The following ZNF700 variants were observed in gnomAD, a reference collection of about 807,000 sequenced individuals.
ZNF700 encodes zinc finger protein 700.
ZNF700 carries 38 observed loss-of-function variants against 65.3 expected under a neutral mutation model. The observed-to-expected ratio is 0.58, with a 90% CI of 0.45 to 0.76. ZNF700 has a LOEUF of 0.76. Among genes scored for constraint, ZNF700 ranks in the 30% least tolerant of loss-of-function variants. ZNF700 has a pLI of 0.00. For missense variants in ZNF700, 857 were observed against 888.4 expected, an observed-to-expected ratio of 0.96 and a Z score of 0.45; for synonymous variants, 285 against 290.4, an observed-to-expected ratio of 0.98 and a Z score of 0.19.
At chr19:11,940,135 T>A (rs1236626895) in intron 1 of ZNF700, 1 of 152,184 alleles carries the variant, frequency 6.6e-6, no homozygotes, top group Non-Finnish European at 1.5e-5. Flanking sequence ...TTCTCCATGT[T>A]GGTCAGACTG....
chr19:11,933,848 A>G (rs778544215), intron 1 of ZNF700, among the ~76,000 whole-genome samples: 11,455 of 139,722 alleles, frequency 0.082, 1,776 homozygotes, highest in African/African-American at 0.22. Flanking sequence ...CCATCTCAGA[A>G]AAAAAAAAAA....
Position 11,950,202 on chromosome 19 carries a change from T to C in ZNF700, c.2178T>C (p.His726=). The change falls in exon 4 of 4, where the codon CAT becomes CAC. Residue 726 remains histidine, a synonymous_variant. Transcript: ENST00000254321. ...CCTTGCATATACACGCAAGGACTCA[T>C]ATGGGAGAGAAGCCATATGAATGTA... ...FSSLHIHART[H]MGEKPYECKD... The C allele has an allele frequency of 1.9e-6, 3 of 1,613,192 alleles. No individual in the cohort carries two copies. The highest frequency in any genetic ancestry group is 8.5e-7 in the Non-Finnish European group (1 of 1,179,738).
At chr19:11,937,857 G>T (rs1972821497) in intron 1 of ZNF700, among the ~76,000 whole-genome samples, 1 of 152,042 alleles carries the variant, frequency 6.6e-6, no homozygotes, top group African/African-American at 2.4e-5. Flanking sequence ...AGTTCATTGA[G>T]TGTTTTTAAT....
At chr19:11,932,764 A>G (rs1972733967) in intron 1 of ZNF700, among the ~76,000 whole-genome samples, 1 of 146,296 alleles carries the variant, frequency 6.8e-6, no homozygotes, top group Non-Finnish European at 1.5e-5. Flanking sequence ...CAGCCTCCCA[A>G]GTAGCTGGGA....
Position 11,949,219 on chromosome 19 carries a change from T to G in ZNF700, c.1195T>G (p.Phe399Val). 1.2e-6 allele frequency: 2 copies of G among 1,613,818 alleles called. No homozygotes were observed. The highest frequency in any genetic ancestry group is 1.7e-6 in the Non-Finnish European group (2 of 1,179,918). The change falls in exon 4 of 4, where the codon TTC (phenylalanine) becomes GTC (valine). Residue 399 changes from phenylalanine to valine, a missense_variant. This residue lies in a region of ZNF700 where 603 missense variants were observed against 619.9 expected (regional missense o/e 0.97). Coordinates refer to ENST00000254321, the MANE Select transcript of ZNF700 (RefSeq NM_144566.3). ...RYKCKQCGKA[F>V]NLSSSFRYHE... ...TAAATGCAAGCAATGTGGTAAAGCC[T>G]TCAATCTTTCCAGTTCCTTTCGATA...
chr19:11,937,154 A>C (rs1053651279), intron 1 of ZNF700, among the ~76,000 whole-genome samples: 5 of 152,196 alleles, frequency 3.3e-5, no homozygotes, highest in African/African-American at 1.2e-4. Context: ...CTTATTGCCA[A>C]ATCCAAGGTT....
At position 11,948,635 on chromosome 19, in the gene ZNF700, T is replaced by G. The variant is rs746533699; in HGVS notation, c.611T>G (p.Ile204Ser). The G allele has an allele frequency of 5.0e-6, 8 of 1,610,852 alleles. No homozygotes were observed. The South Asian group carries it at 8.9e-5, about 18-fold the overall frequency. ...TGTAAAGTCTGTGGAAAAACCTTTATTTTCCATTCAAGCATTCGAAGACAC... is the reference window on the plus strand; with the variant it reads ...TGTAAAGTCTGTGGAAAAACCTTTAGTTTCCATTCAAGCATTCGAAGACAC... ...YACKVCGKTFIFHSSIRRHMV... is the reference protein window; with the variant it reads ...YACKVCGKTFSFHSSIRRHMV... The change falls in exon 4 of 4, where the codon ATT (isoleucine) becomes AGT (serine). Residue 204 changes from isoleucine (I) to serine (S), a missense_variant. Physicochemically the swap from Ile to Ser is moderately radical, Grantham distance 142. This residue lies in a region of ZNF700 where 603 missense variants were observed against 619.9 expected (regional missense o/e 0.97). Transcript: ENST00000254321.
At chr19:11,927,506 G>A (rs1376056376) in intron 1 of ZNF700, among the ~76,000 whole-genome samples, 1 of 151,950 alleles carries the variant, frequency 6.6e-6, no homozygotes, top group Non-Finnish European at 1.5e-5. Flanking sequence ...TTTCAGAGTA[G>A]GGCATCCTCA....
intron 1 of ZNF700, among the ~76,000 whole-genome samples, chr19:11,939,374 C>A (rs1414906272): frequency 2.6e-5 from 4 of 152,148 alleles, no homozygotes; most frequent in East Asian, 3.9e-4. Context: ...ACATTTAAGT[C>A]TTTAATCCAT....
intron 1 of ZNF700, among the ~76,000 whole-genome samples, chr19:11,943,650 T>A (rs1972918307): frequency 6.6e-6 from 1 of 152,318 alleles, no homozygotes; most frequent in East Asian, 1.9e-4. Context: ...AGTGGTGTTA[T>A]ACAGGCAAGT....
rs757126800 is a variant in ZNF700, at chr19:11,948,596, A to G, written c.572A>G (p.Glu191Gly). The stretch of plus-strand genomic sequence containing the variant: ...ACACAAGAAAGGGATCACACTGGAG[A>G]GAAACCCTATGCTTGTAAAGTCTGT... ...IRTQERDHTG[E>G]KPYACKVCGK... The change falls in exon 4 of 4, where the codon GAG becomes GGG. Residue 191 changes from glutamate to glycine, a missense_variant. Around this residue, in one of 3 missense-constraint regions of ZNF700, gnomAD observed 603 missense variants for 619.9 expected, o/e 0.97. Coordinates refer to ENST00000254321, the MANE Select transcript of ZNF700 (RefSeq NM_144566.3). 1 of 1,608,180 alleles carries G rather than the reference A, an allele frequency of 6.2e-7. No individual in the cohort carries two copies. The highest frequency in any genetic ancestry group is 1.1e-5 in the South Asian group (1 of 89,820).
chr19:11,943,319 C>G (rs1972913555), intron 1 of ZNF700, among the ~76,000 whole-genome samples: 1 of 152,174 alleles, frequency 6.6e-6, no homozygotes, highest in South Asian at 2.1e-4. Flanking sequence ...TAGACCCCTC[C>G]TTTAGCTGCT....
chr19:11,946,560 C>T (rs531968518), intron 1 of ZNF700, among the ~76,000 whole-genome samples: 1 of 152,268 alleles, frequency 6.6e-6, no homozygotes, highest in East Asian at 1.9e-4. Context: ...TGTCTGTGTA[C>T]AGGAACTTGT....
At chr19:11,940,418 GGGTTTGTGGTCTCGCT>G (rs1972863017) in intron 1 of ZNF700, among the ~76,000 whole-genome samples, 2 of 152,100 alleles carry the variant, frequency 1.3e-5, no homozygotes, top group African/African-American at 2.4e-5. Context: ...TCCTTCTGGT[GGGTTTGTGGTCTCGCT>G]GGCTCAGGAG....
intron 2 of ZNF700, 23 bp from the exon 3 acceptor site, chr19:11,947,491 A>G (rs755808027): frequency 5.6e-6 from 9 of 1,610,988 alleles, no homozygotes; most frequent in South Asian, 1.1e-5. Context: ...CTTCAGGACT[A>G]TTTTTCTGTG....
At position 11,949,752 on chromosome 19, in the gene ZNF700, C is replaced by T. The variant is rs764059975; in HGVS notation, c.1728C>T (p.Ala576=). The T allele has an allele frequency of 6.2e-7, 1 of 1,613,896 alleles. No individual in the cohort carries two copies. Among genetic ancestry groups the T allele is most frequent in the Non-Finnish European group, 8.5e-7 (1 of 1,179,966 alleles). Residue 576 remains alanine (A), a synonymous_variant, in exon 4 of 4, where the codon GCC becomes GCT. Coordinates refer to ENST00000254321, the MANE Select transcript of ZNF700 (RefSeq NM_144566.3). ...CKQCGKAFRS[A]SHLRMHERTH... is the part of the protein sequence containing the mutation. ...AATGTGGGAAAGCCTTCAGATCTGC[C>T]TCACACCTTCGAATGCATGAAAGGA...
intron 3 of ZNF700, 34 bp downstream of exon 3, chr19:11,947,608 T>G (rs748466088): frequency 6.4e-7 from 1 of 1,563,898 alleles, no homozygotes; most frequent in Admixed American, 1.7e-5. Flanking sequence ...GCAGTGTCTC[T>G]CTGCACAATC....
rs770910372 is a variant in ZNF700, at chr19:11,947,235, T to C, written c.118T>C (p.Leu40=). ...AVNFTQEEWT[L]LDISQKNLFR... is the part of the protein sequence containing the mutation. ...GAACTTCACCCAGGAAGAGTGGACATTGCTGGATATTTCCCAGAAGAATCT... is the reference window on the plus strand; with the variant it reads ...GAACTTCACCCAGGAAGAGTGGACACTGCTGGATATTTCCCAGAAGAATCT... The change falls in exon 2 of 4, where the codon TTG becomes CTG. Residue 40 remains leucine, a synonymous_variant. Transcript: ENST00000254321. The C allele has an allele frequency of 2.1e-5, 34 of 1,614,084 alleles. No individual in the cohort carries two copies. Among genetic ancestry groups the C allele is most frequent in the Non-Finnish European group, 2.9e-5 (34 of 1,180,012 alleles).
chr19:11,947,192 C>T lies in ZNF700; in HGVS notation c.75C>T (p.Ala25=). The change falls in exon 2 of 4, where the codon GCC becomes GCT. Residue 25 remains alanine (A), a synonymous_variant. Coordinates refer to ENST00000254321, the MANE Select transcript of ZNF700 (RefSeq NM_144566.3). ...TSESREMDPV[A]FEDVAVNFTQ... ...GTGAGATGTTTCAGGACCCAGTGGCCTTTGAGGATGTGGCTGTGAACTTCA... is the reference window on the plus strand; with the variant it reads ...GTGAGATGTTTCAGGACCCAGTGGCTTTTGAGGATGTGGCTGTGAACTTCA... The T allele has an allele frequency of 6.2e-7, 1 of 1,613,792 alleles. No homozygotes were observed. The highest frequency in any genetic ancestry group is 8.5e-7 in the Non-Finnish European group (1 of 1,179,918).
Sources: allele counts gnomAD v4.1 joint callset (sites outside exome capture counted in the v4.1 genomes callset), GRCh38; gene constraint gnomAD v4.1.1; regional missense constraint gnomAD v4.1.1; transcripts MANE v1.5; gene names NCBI Gene and HGNC (gene_info 2026-07-23, HGNC 2026-07-21).